ST8SIA6: variants seen among roughly 807,000 people sequenced by gnomAD.
ST8SIA6 encodes alpha-2,8-sialyltransferase 8F.
Under a neutral mutation model 33.6 loss-of-function variants are expected in ST8SIA6, and 39 were observed. The ratio of observed to expected loss-of-function variants is 1.16; its 90% CI spans 0.90 to 1.52. The LOEUF is 1.52. Ranked by LOEUF, ST8SIA6 falls within the 40% of genes most tolerant of loss-of-function variation. The probability of loss-of-function intolerance (pLI) is 0.00; values close to 1 mark genes in which losing one functional copy is unlikely to be tolerated. For missense variants in ST8SIA6, 441 were observed against 443.8 expected, an observed-to-expected ratio of 0.99 and a Z score of 0.06; for synonymous variants, 172 against 167.2, an observed-to-expected ratio of 1.03 and a Z score of -0.22.
At chr10:17,440,551 A>G (rs1304301973) in intron 2 of ST8SIA6, among the ~76,000 whole-genome samples, 2 of 152,134 alleles carry the variant, frequency 1.3e-5, no homozygotes, top group Non-Finnish European at 2.9e-5. Context: ...ACTTTGCCTC[A>G]AGGTCTTAGG....
Position 17,323,119 on chromosome 10 carries a change from T to A in ST8SIA6, c.674A>T (p.Asp225Val). 1 of 1,613,876 alleles carries A rather than the reference T, an allele frequency of 6.2e-7. No homozygotes were observed. The highest frequency in any genetic ancestry group is 8.5e-7 in the Non-Finnish European group (1 of 1,179,872). The change falls in exon 7 of 8, where the codon GAT becomes GTT. Residue 225 changes from aspartate (D) to valine (V), a missense_variant. Transcript: ENST00000377602. Reference sequence around the variant, plus strand: ...CACAAGATTTGTTTTACTGCCAACATCTTTACTAACATCTCCTGTGGTTGG... The same window carrying A: ...CACAAGATTTGTTTTACTGCCAACAACTTTACTAACATCTCCTGTGGTTGG... ...LPPTTGDVSKDVGSKTNLVTI... is the reference protein window; with the variant it reads ...LPPTTGDVSKVVGSKTNLVTI...
At chr10:17,441,079 CT>C (rs1852474055) in intron 2 of ST8SIA6, among the ~76,000 whole-genome samples, 1 of 151,988 alleles carries the variant, frequency 6.6e-6, no homozygotes, top group African/African-American at 2.4e-5. Flanking sequence ...TTAATGGTGT[CT>C]GTTGAAGCAC....
In ST8SIA6 at chr10:17,321,036, A is replaced by C; in HGVS notation, c.1039T>G (p.Ser347Ala). ...ACAGGTATGTCTTCTACAGTTTTAGAGAAGGGCCAGAATCCATACAGCTTC... is the reference window on the plus strand; with the variant it reads ...ACAGGTATGTCTTCTACAGTTTTAGCGAAGGGCCAGAATCCATACAGCTTC... ...NVKLYGFWPF[S>A]KTVEDIPVSH... Residue 347 changes from serine (S) to alanine (A), a missense_variant, in exon 8 of 8, where the codon TCT becomes GCT. Ser to Ala is a moderately conservative substitution (Grantham distance 99). Coordinates refer to ENST00000377602, the MANE Select transcript of ST8SIA6 (RefSeq NM_001004470.3). 1 of 1,614,048 alleles carries C rather than the reference A, an allele frequency of 6.2e-7. No individual in the cohort carries two copies. Among genetic ancestry groups the C allele is most frequent in the Non-Finnish European group, 8.5e-7 (1 of 1,179,978 alleles).
intron 2 of ST8SIA6, among the ~76,000 whole-genome samples, chr10:17,418,993 CAAAAAAAAAA>C (rs910044275): frequency 1.1e-3 from 59 of 56,162 alleles, no homozygotes; most frequent in African/African-American, 2.6e-3. Flanking sequence ...GGCTCCATCT[CAAAAAAAAAA>C]AAAAAAAAAA....
intron 2 of ST8SIA6, among the ~76,000 whole-genome samples, chr10:17,399,525 G>C (rs17140990): frequency 1.3e-5 from 2 of 152,158 alleles, no homozygotes; most frequent in Non-Finnish European, 2.9e-5. Flanking sequence ...TTTGCCTTCA[G>C]TTACCCTCAA....
chr10:17,422,247 C>G (rs1851802524), intron 2 of ST8SIA6, among the ~76,000 whole-genome samples: 1 of 152,020 alleles, frequency 6.6e-6, no homozygotes, highest in Non-Finnish European at 1.5e-5. Context: ...TTGAAAGAGT[C>G]AACTGTTCTA....
At chr10:17,395,995 A>G (rs1368224450) in intron 2 of ST8SIA6, among the ~76,000 whole-genome samples, 1 of 152,194 alleles carries the variant, frequency 6.6e-6, no homozygotes, top group African/African-American at 2.4e-5. Flanking sequence ...GGGAGAGACC[A>G]TGGCGACCCT....
intron 2 of ST8SIA6, among the ~76,000 whole-genome samples, chr10:17,398,685 T>C (rs1850918969): frequency 6.6e-6 from 1 of 152,216 alleles, no homozygotes; most frequent in Non-Finnish European, 1.5e-5. Flanking sequence ...AAGAATGTTT[T>C]AACAGACAGG....
chr10:17,410,729 C>G (rs1564451572), intron 2 of ST8SIA6: 1 of 152,066 alleles, frequency 6.6e-6, no homozygotes, highest in Non-Finnish European at 1.5e-5. Context: ...AAATAAGACA[C>G]TAGAAAAAAA....
At chr10:17,431,160 T>C (rs1172312166) in intron 2 of ST8SIA6, among the ~76,000 whole-genome samples, 1 of 152,192 alleles carries the variant, frequency 6.6e-6, no homozygotes, top group Non-Finnish European at 1.5e-5. Flanking sequence ...TCTTCTCAAC[T>C]GTGATGCAGA....
In ST8SIA6 at chr10:17,396,971, C is replaced by G. The variant is rs187795639; in HGVS notation, c.201-6351G>C. On this transcript the variant is annotated intron_variant, in intron 2 of 7. Transcript: ENST00000377602. Reference sequence around the variant, plus strand: ...GTCCTCTCTTCTTGTCCTTTGACCTCTGACTACTACTCAGGGTCCTTTCGC... The same window carrying G: ...GTCCTCTCTTCTTGTCCTTTGACCTGTGACTACTACTCAGGGTCCTTTCGC... Among the ~76,000 whole-genome samples the G allele has an allele frequency of 6.4e-4, 98 of 152,328 alleles. No homozygotes were observed. In the East Asian group the frequency reaches 6.9e-3, roughly 11 times the overall value.
intron 2 of ST8SIA6, among the ~76,000 whole-genome samples, chr10:17,428,110 C>T (rs972995754): frequency 6.6e-6 from 1 of 152,260 alleles, no homozygotes; most frequent in African/African-American, 2.4e-5. Context: ...CAGATTTCCT[C>T]ACTAAAGTGA....
At chr10:17,441,361 G>T (rs1408177570) in intron 2 of ST8SIA6, among the ~76,000 whole-genome samples, 1 of 151,202 alleles carries the variant, frequency 6.6e-6, no homozygotes, top group African/African-American at 2.5e-5. Flanking sequence ...TTCCCAGGCT[G>T]GAGTGCAATG....
chr10:17,336,544 G>A (rs1279672798), intron 4 of ST8SIA6, among the ~76,000 whole-genome samples: 1 of 151,010 alleles, frequency 6.6e-6, no homozygotes, highest in Non-Finnish European at 1.5e-5. Context: ...TTTCACCACA[G>A]ATTCGTTTTT....
Position 17,315,453 on chromosome 10 carries a change from C to A in ST8SIA6, c.*5425G>T, listed in dbSNP as rs1289257842. 6.6e-6 allele frequency among the ~76,000 whole-genome samples: 1 copy of A among 151,856 alleles called. No individual in the cohort carries two copies. Among genetic ancestry groups the A allele is most frequent in the African/African-American group, 2.4e-5 (1 of 41,390 alleles). The stretch of plus-strand genomic sequence containing the variant: ...TCATGATACCTTTATTTGTAATAGC[C>A]AAAACCAGGAGATAGTAAAATGTTC... On this transcript the variant is annotated 3_prime_UTR_variant, in exon 8 of 8. Coordinates refer to ENST00000377602, the MANE Select transcript of ST8SIA6 (RefSeq NM_001004470.3).
chr10:17,410,667 G>A (rs1027240642), intron 2 of ST8SIA6: 1 of 151,974 alleles, frequency 6.6e-6, no homozygotes, highest in African/African-American at 2.4e-5. Context: ...ATTGCAAGAT[G>A]GTAACTCATC....
intron 3 of ST8SIA6, among the ~76,000 whole-genome samples, chr10:17,375,133 A>C (rs1849868886): frequency 6.6e-6 from 1 of 152,056 alleles, no homozygotes; most frequent in Non-Finnish European, 1.5e-5. Context: ...GAGAAAAGGC[A>C]AGTTAAAAGG....
intron 2 of ST8SIA6, among the ~76,000 whole-genome samples, chr10:17,444,680 C>G (rs1852637175): frequency 6.6e-6 from 1 of 152,160 alleles, no homozygotes; most frequent in African/African-American, 2.4e-5. Context: ...TTTTCCAGAG[C>G]AGAGCAGCCA....
intron 3 of ST8SIA6, among the ~76,000 whole-genome samples, chr10:17,386,644 G>A (rs1355881888): frequency 1.3e-5 from 2 of 152,280 alleles, no homozygotes; most frequent in Middle Eastern, 3.4e-3. Flanking sequence ...CTGAGAGAAC[G>A]CCAACAAACA....
Sources: gnomAD v4.1 joint callset for allele counts (sites outside exome capture counted in the v4.1 genomes callset) on GRCh38, gnomAD v4.1.1 for gene constraint, MANE v1.5 for transcripts, NCBI Gene and HGNC (gene_info 2026-07-23, HGNC 2026-07-21) for gene names.